Variants in CUL2 observed in about 807,000 individuals in gnomAD.
The protein encoded by CUL2 is cullin-2.
Under a neutral mutation model 110.2 loss-of-function variants are expected in CUL2, and 22 were observed. The observed-to-expected ratio is 0.20, with a 90% confidence interval of 0.14 to 0.28. The LOEUF (loss-of-function observed/expected upper bound fraction) is 0.28. CUL2 is among the 10% of genes least tolerant of loss of function. The pLI, the probability that CUL2 is intolerant of heterozygous loss-of-function variation, is 1.00. For synonymous variants in CUL2, 279 were observed against 293.2 expected, an observed-to-expected ratio of 0.95 and a Z score of 0.49; for missense variants, 631 against 905.5, an observed-to-expected ratio of 0.70 and a Z score of 3.89.
chr10:35,058,147 A>G (rs1298831088), intron 4 of CUL2, among the ~76,000 whole-genome samples: 1 of 152,114 alleles, frequency 6.6e-6, no homozygotes, highest in African/African-American at 2.4e-5. Flanking sequence ...TTCATGGGAG[A>G]AGGTCTAAAT....
At chr10:35,026,357 A>G (rs1281834955) in intron 16 of CUL2, among the ~76,000 whole-genome samples, 2 of 152,214 alleles carry the variant, frequency 1.3e-5, no homozygotes, top group African/African-American at 4.8e-5. Flanking sequence ...GATATCAATA[A>G]AATTCAATCA....
intron 1 of CUL2, among the ~76,000 whole-genome samples, chr10:35,125,933 G>A (rs1358463968): frequency 1.1e-4 from 17 of 152,180 alleles, no homozygotes; most frequent in African/African-American, 3.9e-4. Flanking sequence ...AGGTTCAAGC[G>A]ATTCTCCTGC....
At chr10:35,079,932 C>T (rs2086906206) in intron 1 of CUL2, among the ~76,000 whole-genome samples, 1 of 152,112 alleles carries the variant, frequency 6.6e-6, no homozygotes. Context: ...CAGGAGGCAT[C>T]CACAGCGTAG....
At chr10:35,087,855 T>C (rs2087101243) in intron 1 of CUL2, among the ~76,000 whole-genome samples, 1 of 143,406 alleles carries the variant, frequency 7.0e-6, no homozygotes, top group African/African-American at 2.6e-5. Flanking sequence ...TTTAGAAGAG[T>C]TCCAAAAGCC....
At chr10:35,097,136 CCTTAT>C (rs1333714391) in intron 2 of CUL2, among the ~76,000 whole-genome samples, 5 of 152,166 alleles carry the variant, frequency 3.3e-5, no homozygotes, top group African/African-American at 9.6e-5. Flanking sequence ...CAAAGGTTTA[CCTTAT>C]CTTATGTAAA....
chr10:35,100,785 C>G (rs2087366811), intron 2 of CUL2: 1 of 148,732 alleles, frequency 6.7e-6, no homozygotes, highest in Non-Finnish European at 1.5e-5. Context: ...AAAAAAGACC[C>G]TACAGTAAAA....
intron 1 of CUL2, among the ~76,000 whole-genome samples, chr10:35,125,910 G>A (rs1589079757): frequency 6.6e-6 from 1 of 152,098 alleles, no homozygotes; most frequent in South Asian, 2.1e-4. Context: ...GCTCACTGCA[G>A]CCTTGACCTC....
upstream of CUL2, among the ~76,000 whole-genome samples, chr10:35,093,921 T>G (rs2087253802): frequency 6.6e-6 from 1 of 152,058 alleles, no homozygotes; most frequent in African/African-American, 2.4e-5. Flanking sequence ...AATATGGTTA[T>G]TTTTCATAAA....
chr10:35,014,902 G>T (rs561890551), intron 18 of CUL2, among the ~76,000 whole-genome samples: 5 of 152,120 alleles, frequency 3.3e-5, no homozygotes, highest in African/African-American at 1.2e-4. Flanking sequence ...GTCAATTTCT[G>T]GGCAGCAAAA....
chr10:35,061,135 G>A (rs1432585349), intron 3 of CUL2, among the ~76,000 whole-genome samples, 167 bp from the exon 4 acceptor site: 2 of 152,050 alleles, frequency 1.3e-5, no homozygotes, highest in Non-Finnish European at 2.9e-5. Flanking sequence ...TGAAACAACT[G>A]GGAAAGATGT....
At chr10:35,101,869 G>A (rs973091662) in intron 1 of CUL2, among the ~76,000 whole-genome samples, 4 of 152,232 alleles carry the variant, frequency 2.6e-5, no homozygotes, top group Admixed American at 2.6e-4. Context: ...ATTAGAGGGA[G>A]TAGAACTAAC....
chr10:35,025,310 A>C, intron 16 of CUL2, 112 bp from the exon 17 acceptor site: 1 of 1,349,926 alleles, frequency 7.4e-7, no homozygotes, highest in Non-Finnish European at 9.6e-7. Context: ...AGAGACATTA[A>C]AGCCCATCTG....
intron 1 of CUL2, chr10:35,074,446 C>T (rs2135007875): frequency 1.7e-6 from 1 of 579,006 alleles, no homozygotes; most frequent in Non-Finnish European, 3.1e-6. Flanking sequence ...TTTTCCTTAG[C>T]TGCCCCCTCC....
chr10:35,121,449 T>C (rs1331855450), intron 1 of CUL2, among the ~76,000 whole-genome samples: 2 of 152,160 alleles, frequency 1.3e-5, no homozygotes, highest in African/African-American at 2.4e-5. Context: ...CTGTATGATA[T>C]GCACTGTATT....
intron 1 of CUL2, among the ~76,000 whole-genome samples, chr10:35,079,426 G>A (rs2086895384): frequency 6.6e-6 from 1 of 152,150 alleles, no homozygotes; most frequent in Admixed American, 6.5e-5. Flanking sequence ...TCGTCTCTGG[G>A]GATCCCTTGC....
intron 1 of CUL2, among the ~76,000 whole-genome samples, chr10:35,113,181 CAAAAAAAAA>C (rs71660665): frequency 2.5e-4 from 9 of 36,636 alleles, no homozygotes; most frequent in Admixed American, 4.0e-4. Context: ...GACTCCATCT[CAAAAAAAAA>C]AAAAAAAAAA....
chr10:35,046,807 G>T (rs771034778), intron 6 of CUL2, among the ~76,000 whole-genome samples: 2 of 152,048 alleles, frequency 1.3e-5, no homozygotes, highest in African/African-American at 4.8e-5. Flanking sequence ...TAGGAAAATT[G>T]GCTTGAACCT....
Position 35,031,228 on chromosome 10 carries a change from T to C in CUL2, c.1386+72A>G. The stretch of plus-strand genomic sequence containing the variant: ...AATTGTTTCCTGTTACTGTACACAA[T>C]GCTGCAATGAACATCTTTATGTGCT... On this transcript the variant is annotated intron_variant, in intron 14 of 20. Coordinates refer to ENST00000374749, the MANE Select transcript of CUL2 (RefSeq NM_003591.4). This position sits in a 1 kb window ranked among gnomAD's most constrained non-coding sequence, Gnocchi z 4.4. 2 of 929,920 alleles carry C rather than the reference T, an allele frequency of 2.2e-6. No homozygotes were observed. Among genetic ancestry groups the C allele is most frequent in the South Asian group, 1.6e-5 (1 of 61,820 alleles). 57.6% of individuals were successfully genotyped at this position (929,920 alleles called of 1,614,324 possible). A position where few individuals can be genotyped will look rare whatever the true frequency, so the allele number is the denominator to read the frequency against.
chr10:35,084,963 C>T (rs1459434645), intron 1 of CUL2, among the ~76,000 whole-genome samples: 3 of 150,984 alleles, frequency 2.0e-5, no homozygotes, highest in African/African-American at 7.3e-5. Context: ...ACTAAAAATA[C>T]AAAAAAATTA....
Sources: gnomAD v4.1 joint callset for allele counts (sites outside exome capture counted in the v4.1 genomes callset) on GRCh38, gnomAD v4.1.1 for gene constraint, Gnocchi (gnomAD v3.1) non-coding constraint, MANE v1.5 for transcripts, NCBI Gene and HGNC (gene_info 2026-07-23, HGNC 2026-07-21) for gene names.